Variants in MOCOS observed in about 807,000 individuals in gnomAD.
The protein encoded by MOCOS is molybdenum cofactor sulfurase, also known as human molybdenum cofactor sulfurase.
A neutral mutation model predicts 83.6 loss-of-function variants in MOCOS; 86 were observed. The observed-to-expected ratio is 1.03, with a 90% CI of 0.86 to 1.23. The LOEUF is 1.23. Ranked by LOEUF, MOCOS falls within the 50% of genes most tolerant of loss-of-function variation. The pLI, the probability that MOCOS is intolerant of heterozygous loss-of-function variation, is 0.00. For missense variants in MOCOS, 1,120 were observed against 1,126.9 expected (o/e 0.99, Z 0.09); for synonymous variants, 445 against 434.7 (o/e 1.02, Z -0.29).
At chr18:36,264,353 G>A (rs1407678315) in intron 13 of MOCOS, among the ~76,000 whole-genome samples, 3 of 152,182 alleles carry the variant, frequency 2.0e-5, no homozygotes, top group Non-Finnish European at 4.4e-5. Context: ...CAGGGCCCTG[G>A]CATCCTTTCT....
intron 9 of MOCOS, among the ~76,000 whole-genome samples, chr18:36,229,048 TA>T (rs1414481324): frequency 6.6e-6 from 1 of 152,186 alleles, no homozygotes; most frequent in Non-Finnish European, 1.5e-5. Flanking sequence ...GTAGCTATTT[TA>T]AATATTTTTG....
intron 6 of MOCOS, among the ~76,000 whole-genome samples, chr18:36,207,822 CT>C (rs1312136909): frequency 1.3e-5 from 2 of 151,988 alleles, no homozygotes; most frequent in Non-Finnish European, 1.5e-5. Flanking sequence ...TCAATTTTTC[CT>C]TTTGTTGCAA....
intron 1 of MOCOS, among the ~76,000 whole-genome samples, chr18:36,188,004 C>A (rs2091348625): frequency 6.6e-6 from 1 of 152,202 alleles, no homozygotes; most frequent in African/African-American, 2.4e-5. Flanking sequence ...TGTAAAGGGC[C>A]TGCTGGGGCC....
intron 9 of MOCOS, 97 bp from the exon 10 acceptor site, chr18:36,248,825 T>C (rs2091611939): frequency 1.1e-6 from 1 of 947,636 alleles, no homozygotes; most frequent in Non-Finnish European, 1.7e-6. Context: ...GTCAGTACCA[T>C]GCTGTTTTGG....
chr18:36,256,054 A>G (rs1297710334), intron 11 of MOCOS, among the ~76,000 whole-genome samples: 1 of 151,644 alleles, frequency 6.6e-6, no homozygotes, highest in Non-Finnish European at 1.5e-5. Context: ...CACTGCGCCC[A>G]GCTAATTTTG....
chr18:36,238,243 T>G (rs1392839300), intron 9 of MOCOS, among the ~76,000 whole-genome samples: 2 of 147,342 alleles, frequency 1.4e-5, no homozygotes. Context: ...CAATTTTGGA[T>G]CTTTCCTGCT....
At chr18:36,248,114 G>A (rs1723747795) in intron 9 of MOCOS, among the ~76,000 whole-genome samples, 1 of 151,908 alleles carries the variant, frequency 6.6e-6, no homozygotes, top group South Asian at 2.1e-4. Flanking sequence ...ACCAGCATTT[G>A]TTATTTTTTG....
chr18:36,251,008 TCTC>T (rs1490917551), intron 10 of MOCOS, 148 bp from the exon 11 acceptor site: 7 of 959,032 alleles, frequency 7.3e-6, no homozygotes, highest in Non-Finnish European at 9.3e-6. Flanking sequence ...GCCTTGGAAA[TCTC>T]CTTGCAGCAT....
intron 9 of MOCOS, among the ~76,000 whole-genome samples, chr18:36,239,295 G>T (rs2091571975): frequency 6.6e-6 from 1 of 150,992 alleles, no homozygotes. Context: ...TCCATGTTTA[G>T]CGCTTCCTTC....
chr18:36,191,745 CGT>C (rs1051411370), intron 1 of MOCOS, among the ~76,000 whole-genome samples: 12 of 28,430 alleles, frequency 4.2e-4, no homozygotes, highest in Admixed American at 1.6e-3. Context: ...ACTTAAAATA[CGT>C]GTGCACACAC....
chr18:36,211,657 G>T (rs1294430457), intron 6 of MOCOS, among the ~76,000 whole-genome samples: 1 of 151,974 alleles, frequency 6.6e-6, no homozygotes, highest in Non-Finnish European at 1.5e-5. Context: ...GGCCTGTGTG[G>T]GATTCCCCAG....
intron 9 of MOCOS, among the ~76,000 whole-genome samples, chr18:36,243,710 G>A (rs1046289907): frequency 1.3e-5 from 2 of 152,182 alleles, no homozygotes; most frequent in East Asian, 1.9e-4. Context: ...TTCTTTGAAT[G>A]TCTGACAGAA....
At chr18:36,223,572 G>A (rs1201157667) in intron 9 of MOCOS, among the ~76,000 whole-genome samples, 1 of 152,076 alleles carries the variant, frequency 6.6e-6, no homozygotes, top group African/African-American at 2.4e-5. Flanking sequence ...TAGTTTATTT[G>A]TCATCTTTTG....
chr18:36,229,151 C>G (rs1378985014), intron 9 of MOCOS, among the ~76,000 whole-genome samples: 1 of 152,076 alleles, frequency 6.6e-6, no homozygotes, highest in Non-Finnish European at 1.5e-5. Context: ...TACTTTATAG[C>G]AAATTTCATG....
chr18:36,197,176 T>TGGC (rs1364479352), intron 2 of MOCOS, among the ~76,000 whole-genome samples: 6 of 152,116 alleles, frequency 3.9e-5, no homozygotes, highest in Non-Finnish European at 8.8e-5. Flanking sequence ...GAGGCCGGGA[T>TGGC]CAATTATTTC....
chr18:36,232,098 G>A (rs914604772), intron 9 of MOCOS, among the ~76,000 whole-genome samples: 9 of 151,994 alleles, frequency 5.9e-5, no homozygotes, highest in East Asian at 3.9e-4. Flanking sequence ...CTCAGCCTCC[G>A]GAGTAGCTGG....
intron 12 of MOCOS, 79 bp from the exon 13 acceptor site, chr18:36,259,958 G>A: frequency 1.3e-6 from 2 of 1,573,078 alleles, no homozygotes; most frequent in Non-Finnish European, 8.7e-7. Context: ...GTGTTACATG[G>A]CAGGCATGAT....
At chr18:36,232,132 T>C (rs2144933350) in intron 9 of MOCOS, among the ~76,000 whole-genome samples, 1 of 152,170 alleles carries the variant, frequency 6.6e-6, no homozygotes, top group African/African-American at 2.4e-5. Context: ...TGCCACCACA[T>C]CCAGCTAATT....
intron 11 of MOCOS, among the ~76,000 whole-genome samples, chr18:36,256,639 A>G (rs935935603): frequency 1.6e-4 from 24 of 151,414 alleles, no homozygotes; most frequent in African/African-American, 5.6e-4. Context: ...TGGTAGAGAC[A>G]GGGTTTCACC....
Sources: gnomAD v4.1 joint callset for allele counts (sites outside exome capture counted in the v4.1 genomes callset) on GRCh38, gnomAD v4.1.1 for gene constraint, MANE v1.5 for transcripts, NCBI Gene and HGNC (gene_info 2026-07-23, HGNC 2026-07-21) for gene names.